Variants in CFAP221 observed in about 807,000 individuals in gnomAD.
The protein encoded by CFAP221 is cilia and flagella associated protein 221.
In CFAP221, 97 loss-of-function variants were observed where a neutral mutation model predicts 113.1. The observed-to-expected ratio is 0.86, with a 90% CI of 0.73 to 1.02. The LOEUF is 1.02. CFAP221 is among the 50% of genes least tolerant of loss of function. CFAP221 has a pLI of 0.00. For missense variants in CFAP221, 1,025 were observed against 1,013.4 expected, an observed-to-expected ratio of 1.01 and a Z score of -0.16; for synonymous variants, 331 against 354.4, an observed-to-expected ratio of 0.93 and a Z score of 0.74.
chr2:119,560,380 A>C (rs963303724), intron 5 of CFAP221, among the ~76,000 whole-genome samples: 18 of 152,168 alleles, frequency 1.2e-4, no homozygotes, highest in African/African-American at 4.3e-4. Context: ...AGGTTGAAAA[A>C]TTTACAACCA....
intron 13 of CFAP221, among the ~76,000 whole-genome samples, chr2:119,613,807 C>A (rs1363802219): frequency 2.6e-5 from 4 of 152,254 alleles, no homozygotes; most frequent in Admixed American, 2.0e-4. Flanking sequence ...TAAATTTCTG[C>A]AGCTGGCTTG....
chr2:119,592,749 A>C (rs1049338233), intron 7 of CFAP221, among the ~76,000 whole-genome samples: 2 of 152,202 alleles, frequency 1.3e-5, no homozygotes, highest in African/African-American at 4.8e-5. Context: ...CAACCTGGTG[A>C]GGTCTAACAG....
intron 21 of CFAP221, among the ~76,000 whole-genome samples, chr2:119,643,579 C>T (rs1458879185): frequency 6.6e-6 from 1 of 152,130 alleles, no homozygotes; most frequent in East Asian, 1.9e-4. Context: ...GAGTCTCACT[C>T]TGTCACCCAG....
downstream of CFAP221, among the ~76,000 whole-genome samples, chr2:119,657,273 C>T (rs1248556662): frequency 2.0e-5 from 3 of 152,172 alleles, no homozygotes; most frequent in Non-Finnish European, 2.9e-5. Context: ...TTGTAGTCTT[C>T]ATTAACTCAT....
intron 23 of CFAP221, among the ~76,000 whole-genome samples, chr2:119,653,925 CTCT>C (rs1343877149): frequency 6.6e-6 from 1 of 152,110 alleles, no homozygotes; most frequent in Non-Finnish European, 1.5e-5. Flanking sequence ...TCAACCATTT[CTCT>C]TCTTTTATGA....
chr2:119,557,881 C>G (rs1302083214), intron 3 of CFAP221, among the ~76,000 whole-genome samples: 2 of 150,778 alleles, frequency 1.3e-5, no homozygotes, highest in African/African-American at 4.9e-5. Flanking sequence ...ATCACTTGAA[C>G]CTGGGAGGCA....
At chr2:119,578,946 A>G (rs1682649942) in intron 6 of CFAP221, among the ~76,000 whole-genome samples, 1 of 152,158 alleles carries the variant, frequency 6.6e-6, no homozygotes, top group Non-Finnish European at 1.5e-5. Context: ...TTGAATTTCT[A>G]TTAAGTCATT....
intron 7 of CFAP221, among the ~76,000 whole-genome samples, chr2:119,593,579 C>G (rs1187705962): frequency 6.6e-6 from 1 of 152,152 alleles, no homozygotes; most frequent in Non-Finnish European, 1.5e-5. Context: ...GTGGCTTACG[C>G]CTGTAATCCC....
intron 7 of CFAP221, among the ~76,000 whole-genome samples, chr2:119,589,229 T>C (rs1683423225): frequency 6.6e-6 from 1 of 152,238 alleles, no homozygotes; most frequent in Admixed American, 6.5e-5. Context: ...TTTCCCACTT[T>C]GATGGTGTAT....
intron 7 of CFAP221, 89 bp downstream of exon 7, chr2:119,587,311 TA>T: frequency 4.7e-6 from 4 of 857,280 alleles, no homozygotes; most frequent in Non-Finnish European, 6.8e-6. Context: ...TGATGAATTT[TA>T]CACATAACTG....
At chr2:119,620,749 T>C (rs959409464) in intron 14 of CFAP221, among the ~76,000 whole-genome samples, 1 of 152,050 alleles carries the variant, frequency 6.6e-6, no homozygotes, top group Admixed American at 6.6e-5. Flanking sequence ...ACAATATTAA[T>C]CTTAAATGTA....
At position 119,608,419 on chromosome 2, in the gene CFAP221, G is replaced by A. The variant is rs927800917; in HGVS notation, c.1134-83G>A. Reference sequence around the variant, plus strand: ...CATCTCAGGGTTCCTTTTCAGTTTTGGAATATAGTGAAATATTCCATCCTA... The same window carrying A: ...CATCTCAGGGTTCCTTTTCAGTTTTAGAATATAGTGAAATATTCCATCCTA... On this transcript the variant is annotated intron_variant, in intron 11 of 23. Transcript: ENST00000413369. 6.5e-6 allele frequency: 7 copies of A among 1,073,874 alleles called. No homozygotes were observed. In the South Asian group the frequency reaches 1.2e-4, roughly 18 times the overall value. The allele number at this position is 1,073,874 out of a possible 1,614,324, so 66.5% of individuals were successfully genotyped here.
At chr2:119,565,484 A>T (rs1558917789) in intron 6 of CFAP221, among the ~76,000 whole-genome samples, 1 of 152,200 alleles carries the variant, frequency 6.6e-6, no homozygotes, top group Non-Finnish European at 1.5e-5. Flanking sequence ...GGTGAAAATA[A>T]TATGCCTAAT....
rs1405750736 is a variant in CFAP221 at position 119,656,369 on chromosome 2, A to G, written c.2422A>G (p.Lys808Glu). Residue 808 changes from lysine to glutamate, a missense_variant, in exon 24 of 24, where the codon AAA (lysine) becomes GAA (glutamate). Coordinates refer to ENST00000413369, the MANE Select transcript of CFAP221 (RefSeq NM_001271049.2). ...YKDIRKEKEV[K>E]DQAQPAEKAG... The stretch of plus-strand genomic sequence containing the variant: ...GGGTTTTTTGATACTCAGAGAAGTG[A>G]AAGATCAAGCACAACCAGCAGAGAA... The G allele has an allele frequency of 6.2e-7, 1 of 1,614,036 alleles. No individual in the cohort carries two copies. Among genetic ancestry groups the G allele is most frequent in the Non-Finnish European group, 8.5e-7 (1 of 1,179,924 alleles).
chr2:119,596,259 A>G (rs1311432929), intron 7 of CFAP221, among the ~76,000 whole-genome samples: 2 of 152,076 alleles, frequency 1.3e-5, no homozygotes, highest in South Asian at 2.1e-4. Context: ...GGGACAGATG[A>G]TGGAGTGAAT....
At chr2:119,613,284 T>C (rs1685305976) in intron 13 of CFAP221, among the ~76,000 whole-genome samples, 1 of 152,158 alleles carries the variant, frequency 6.6e-6, no homozygotes, top group South Asian at 2.1e-4. Context: ...CATTCTGGGG[T>C]CTGGAGGATG....
rs183315878 is a variant in CFAP221 at position 119,599,162 on chromosome 2, T to G, written c.632-2056T>G. ...ATCATTGAAAGAGTTTGACTTCTGC[T>G]CTCAGGAAATTGACGAAGACCTATT... On this transcript the variant is annotated intron_variant, in intron 7 of 23. Coordinates refer to ENST00000413369, the MANE Select transcript of CFAP221 (RefSeq NM_001271049.2). Among the ~76,000 whole-genome samples, 65 of 152,274 alleles carry G rather than the reference T, an allele frequency of 4.3e-4. 1 individual carries two copies. Among genetic ancestry groups the G allele is most frequent in the Admixed American group, 9.8e-4 (15 of 15,298 alleles).
In CFAP221 at chr2:119,611,714, A is replaced by T. The variant is rs763100763; in HGVS notation, c.1283A>T (p.His428Leu). The change falls in exon 13 of 24, where the codon CAT becomes CTT. Residue 428 changes from histidine to leucine, a missense_variant. Transcript: ENST00000413369. ...CAGCGACTTAAAACAGAAGTTAGCCATAAACGGGTTGTTCGCAATCAAGAA... is the reference window on the plus strand; with the variant it reads ...CAGCGACTTAAAACAGAAGTTAGCCTTAAACGGGTTGTTCGCAATCAAGAA... ...EFQRLKTEVSHKRVVRNQEEK... is the reference protein window; with the variant it reads ...EFQRLKTEVSLKRVVRNQEEK... 6.2e-7 allele frequency: 1 copy of T among 1,613,966 alleles called. No homozygotes were observed. The highest frequency in any genetic ancestry group is 1.1e-5 in the South Asian group (1 of 91,040).
At chr2:119,587,276 C>A in intron 7 of CFAP221, 54 bp downstream of exon 7, 2 of 1,280,920 alleles carry the variant, frequency 1.6e-6, no homozygotes, top group Non-Finnish European at 2.1e-6. Context: ...TGCATTCAAA[C>A]GTTATATTTT....
Sources: allele counts gnomAD v4.1 joint callset (sites outside exome capture counted in the v4.1 genomes callset), GRCh38; gene constraint gnomAD v4.1.1; transcripts MANE v1.5; gene names NCBI Gene and HGNC (gene_info 2026-07-23, HGNC 2026-07-21).